The following MYO9A variants were observed in gnomAD, a reference collection of about 807,000 sequenced individuals.
The protein encoded by MYO9A is unconventional myosin-IXa.
A neutral mutation model predicts 293.3 loss-of-function variants in MYO9A; 103 were observed. The observed-to-expected ratio is 0.35, with a 90% confidence interval of 0.30 to 0.41. The LOEUF (loss-of-function observed/expected upper bound fraction) is 0.41. MYO9A is among the 10% of genes least tolerant of loss of function. The pLI is 1.00. For synonymous variants in MYO9A, 1,001 were observed against 1,035.7 expected, an observed-to-expected ratio of 0.97 and a Z score of 0.64; for missense variants, 2,685 against 3,033.0, an observed-to-expected ratio of 0.89 and a Z score of 2.69.
chr15:72,034,387 TAAG>T (rs956419097), intron 2 of MYO9A, among the ~76,000 whole-genome samples: 1 of 152,220 alleles, frequency 6.6e-6, no homozygotes, highest in Non-Finnish European at 1.5e-5. Context: ...TACTATGTCT[TAAG>T]AAATTATTCT....
At chr15:72,068,621 A>G (rs1364161302) in intron 1 of MYO9A, among the ~76,000 whole-genome samples, 1 of 151,892 alleles carries the variant, frequency 6.6e-6, no homozygotes, top group Non-Finnish European at 1.5e-5. Context: ...GACAGCCATC[A>G]TGCCTGGTTA....
chr15:71,914,538 A>G (rs1354572722), intron 19 of MYO9A, among the ~76,000 whole-genome samples: 1 of 152,194 alleles, frequency 6.6e-6, no homozygotes, highest in Non-Finnish European at 1.5e-5. Context: ...TTATCCTAGA[A>G]TAATTGGAGA....
chr15:71,875,144 GTTTC>G (rs1468675083), intron 32 of MYO9A, among the ~76,000 whole-genome samples: 2 of 151,558 alleles, frequency 1.3e-5, no homozygotes, highest in African/African-American at 4.8e-5. Context: ...TTGTATCTAT[GTTTC>G]TATCTATTGT....
chr15:72,018,179 T>G (rs1684892626), intron 6 of MYO9A, among the ~76,000 whole-genome samples: 1 of 152,020 alleles, frequency 6.6e-6, no homozygotes, highest in African/African-American at 2.4e-5. Context: ...ATTTACAACA[T>G]AAAATAGGCT....
intron 5 of MYO9A, 36 bp from the exon 6 acceptor site, chr15:72,019,131 G>C: frequency 6.6e-7 from 1 of 1,521,406 alleles, no homozygotes; most frequent in Non-Finnish European, 9.1e-7. Flanking sequence ...TAGAAGTAAT[G>C]GTTATTATAC....
intron 27 of MYO9A, among the ~76,000 whole-genome samples, chr15:71,885,542 G>C (rs2056994288): frequency 6.6e-6 from 1 of 151,936 alleles, no homozygotes; most frequent in Non-Finnish European, 1.5e-5. Flanking sequence ...CTTCTAACTT[G>C]CTCCAATTTG....
In MYO9A at chr15:71,899,796, A is replaced by G. The variant is rs1455399191; in HGVS notation, c.3361T>C (p.Cys1121Arg). 1.2e-6 allele frequency: 2 copies of G among 1,614,174 alleles called. No homozygotes were observed. The highest frequency in any genetic ancestry group is 1.3e-5 in the African/African-American group (1 of 75,046). ...TAGGCTTTCCATCTTGCTTGTATGC[A>G]AATAGCAGCCATGTGCCTGCGCCTA... ...YYRRRHMAAICIQARWKAYRE... is the reference protein window; with the variant it reads ...YYRRRHMAAIRIQARWKAYRE... Residue 1121 changes from cysteine to arginine, a missense_variant, in exon 24 of 42, where the codon TGC becomes CGC. Cys to Arg is a radical substitution (Grantham distance 180). Transcript: ENST00000356056.
chr15:71,967,720 C>T (rs962595438), intron 13 of MYO9A, among the ~76,000 whole-genome samples: 5 of 152,166 alleles, frequency 3.3e-5, no homozygotes, highest in Non-Finnish European at 2.9e-5. Context: ...TATACAGATG[C>T]AATCTATTCT....
intron 22 of MYO9A, 132 bp from the exon 23 acceptor site, chr15:71,901,472 T>C (rs1373114258): frequency 1.5e-5 from 13 of 876,112 alleles, no homozygotes; most frequent in Admixed American, 3.0e-5. Context: ...GAAGTACTGA[T>C]AAATATTCCT....
intron 11 of MYO9A, among the ~76,000 whole-genome samples, chr15:71,986,686 A>AG (rs2148217378): frequency 6.6e-6 from 1 of 152,300 alleles, no homozygotes; most frequent in African/African-American, 2.4e-5. Context: ...TAATAGAAAG[A>AG]GGGCTTATAA....
intron 16 of MYO9A, 85 bp downstream of exon 16, chr15:71,938,767 A>G: frequency 8.6e-7 from 1 of 1,158,136 alleles, no homozygotes; most frequent in Non-Finnish European, 1.2e-6. Flanking sequence ...GAATTACTTC[A>G]AACTTTTAAA....
At chr15:71,956,322 A>ATATATATAT (rs1441439642) in intron 14 of MYO9A, among the ~76,000 whole-genome samples, 2 of 15,892 alleles carry the variant, frequency 1.3e-4, no homozygotes, top group Non-Finnish European at 2.3e-4. Flanking sequence ...AAAAAAAAAA[A>ATATATATAT]AAAAAAAAAT....
In MYO9A at chr15:72,054,002, A is replaced by G. The variant is rs1325987689; in HGVS notation, c.-71-7368T>C. ...TGTAAATGCTCCAGTTAAAAGACAA[A>G]GATGGTCAAAGTTTTAAAATTCAAC... On this transcript the variant is annotated intron_variant, in intron 1 of 41. Coordinates refer to ENST00000356056, the MANE Select transcript of MYO9A (RefSeq NM_006901.4). 5.3e-5 allele frequency among the ~76,000 whole-genome samples: 8 copies of G among 152,216 alleles called. No homozygotes were observed. The East Asian group carries it at 1.5e-3, about 29-fold the overall frequency.
At chr15:71,934,786 C>CTTTTTTTTTTTTTTTTTTCTTTT (rs2058585552) in intron 17 of MYO9A, among the ~76,000 whole-genome samples, 1 of 61,788 alleles carries the variant, frequency 1.6e-5, no homozygotes, top group Non-Finnish European at 2.8e-5. Flanking sequence ...CTTTTCTTTT[C>CTTTTTTTTTTTTTTTTTTCTTTT]TTTTTTTTTT....
chr15:72,026,281 AAAAAAAAAAAAAAAAG>A (rs1258598361), intron 4 of MYO9A, among the ~76,000 whole-genome samples: 2 of 140,602 alleles, frequency 1.4e-5, no homozygotes, highest in African/African-American at 2.6e-5. Context: ...TCAAGAAAAA[AAAAAAAAAAAAAAAAG>A]AAAGAAAAGA....
Position 71,824,615 on chromosome 15 carries a change from C to T in MYO9A, c.*1965G>A, listed in dbSNP as rs2054394806. 1 of 152,208 alleles carries T rather than the reference C, an allele frequency of 6.6e-6. No individual in the cohort carries two copies. The highest frequency in any genetic ancestry group is 2.4e-5 in the African/African-American group (1 of 41,444). 9.4% of individuals were successfully genotyped at this position (152,208 alleles called of 1,614,324 possible). A position where few individuals can be genotyped will look rare whatever the true frequency, so the allele number is the denominator to read the frequency against. ...CCATGCTGAGGGGTTTTCCTCTATC[C>T]TCTAGGAGATTCTCTGAAATTCAGA... On this transcript the variant is annotated 3_prime_UTR_variant, in exon 42 of 42. Coordinates refer to ENST00000356056, the MANE Select transcript of MYO9A (RefSeq NM_006901.4).
intron 32 of MYO9A, among the ~76,000 whole-genome samples, chr15:71,875,246 G>A (rs1315078394): frequency 1.3e-5 from 2 of 151,904 alleles, no homozygotes; most frequent in African/African-American, 4.8e-5. Flanking sequence ...TCATATAGAT[G>A]TGTCTAATTT....
chr15:71,825,534 A>ACACTT lies in MYO9A; in HGVS notation c.*1041_*1045dup, dbSNP rs2054445318. The ACACTT allele has an allele frequency of 1.3e-5, 2 of 152,176 alleles. No individual in the cohort carries two copies. The highest frequency in any genetic ancestry group is 2.4e-5 in the African/African-American group (1 of 41,440). The allele number at this position is 152,176 out of a possible 1,614,324, so 9.4% of individuals were successfully genotyped here. On this transcript the variant is annotated 3_prime_UTR_variant, in exon 42 of 42. Coordinates refer to ENST00000356056, the MANE Select transcript of MYO9A (RefSeq NM_006901.4). ...TTTTATTTTTTGGCAGCTTTCTGTA[A>ACACTT]CACTTACTTACTTATTCATGCAATA...
chr15:72,043,138 T>A (rs1241015680), intron 2 of MYO9A, among the ~76,000 whole-genome samples: 1 of 151,568 alleles, frequency 6.6e-6, no homozygotes, highest in Non-Finnish European at 1.5e-5. Flanking sequence ...GAAGATAAGG[T>A]CAACGTGTAA....
Sources: allele counts gnomAD v4.1 joint callset (sites outside exome capture counted in the v4.1 genomes callset), GRCh38; gene constraint gnomAD v4.1.1; transcripts MANE v1.5; gene names NCBI Gene and HGNC (gene_info 2026-07-23, HGNC 2026-07-21).